NOC4L: variants seen among roughly 807,000 people sequenced by gnomAD.
The protein encoded by NOC4L is nucleolar complex protein 4 homolog.
A neutral mutation model predicts 62.8 loss-of-function variants in NOC4L; 40 were observed. The observed-to-expected ratio is 0.64, with a 90% CI of 0.49 to 0.83. The LOEUF (loss-of-function observed/expected upper bound fraction) is 0.83, where lower values mean the gene tolerates loss of function less well. Among genes scored for constraint, NOC4L ranks in the 40% least tolerant of loss-of-function variants. The pLI is 0.00. For missense variants in NOC4L, 927 were observed against 701.9 expected (o/e 1.32, Z -3.62); for synonymous variants, 433 against 299.8 (o/e 1.44, Z -4.59).
intron 6 of NOC4L, 24 bp downstream of exon 6, chr12:132,148,003 C>G (rs371603919): frequency 6.2e-7 from 1 of 1,612,212 alleles, no homozygotes; most frequent in Non-Finnish European, 8.5e-7. Context: ...GAGTCAGGGG[C>G]GGACAGGGCT....
At chr12:132,147,593 G>A (rs1897771300) in intron 4 of NOC4L, 40 bp from the exon 5 acceptor site, 1 of 1,604,244 alleles carries the variant, frequency 6.2e-7, no homozygotes, top group African/African-American at 1.3e-5. Context: ...GCTGGCGTAT[G>A]CTGGGCCGGG....
rs150462136 is a variant in NOC4L, at chr12:132,148,867, C to T, written c.873C>T (p.Ile291=). Residue 291 remains isoleucine, a synonymous_variant, in exon 9 of 15, where the codon ATC becomes ATT. Transcript: ENST00000330579. ...LPQLAQPTLM[I]DFLTRACDLG... is the part of the protein sequence containing the mutation. ...AGCTGGCGCAGCCCACGCTCATGAT[C>T]GACTTCCTCACCCGCGCCTGCGACC... is the stretch of plus-strand genomic sequence containing the variant. 37 of 1,599,614 alleles carry T rather than the reference C, an allele frequency of 2.3e-5. No individual in the cohort carries two copies. The highest frequency in any genetic ancestry group is 1.8e-4 in the East Asian group (8 of 44,762).
chr12:132,149,045 A>G (rs78164299), intron 9 of NOC4L, 150 bp downstream of exon 9: 2,559 of 148,610 alleles, frequency 0.017, 5 homozygotes, highest in Middle Eastern at 0.023. Context: ...CCGCCGCCTC[A>G]CTCACACCAC....
At position 132,147,375 on chromosome 12, in the gene NOC4L, G is replaced by T; in HGVS notation, c.440G>T (p.Arg147Leu). The T allele has an allele frequency of 6.3e-7, 1 of 1,592,620 alleles. No homozygotes were observed. Reference sequence around the variant, plus strand: ...TGGGAAGGCAACTACCTGTTCCCCCGAGAGCTCTTCAAGGTGAGGGCCTTG... The same window carrying T: ...TGGGAAGGCAACTACCTGTTCCCCCTAGAGCTCTTCAAGGTGAGGGCCTTG... ...SKWEGNYLFP[R>L]ELFKLVVGGL... Residue 147 changes from arginine to leucine, a missense_variant, in exon 4 of 15, where the codon CGA becomes CTA. Transcript: ENST00000330579.
At chr12:132,145,730 AAGC>A (rs1252753189) in intron 3 of NOC4L, 65 bp downstream of exon 3, 1 of 1,165,010 alleles carries the variant, frequency 8.6e-7, no homozygotes, top group Non-Finnish European at 1.3e-6. Context: ...GTTATCCACA[AAGC>A]AGAGGTCTGG....
At chr12:132,146,692 C>T (rs1229320254) in intron 3 of NOC4L, among the ~76,000 whole-genome samples, 1 of 152,182 alleles carries the variant, frequency 6.6e-6, no homozygotes, top group Non-Finnish European at 1.5e-5. Context: ...AACCAGTTTC[C>T]ACCTTCTCAG....
chr12:132,148,165 A>G (rs1897797403), intron 7 of NOC4L, 59 bp downstream of exon 7: 1 of 1,554,248 alleles, frequency 6.4e-7, no homozygotes, highest in African/African-American at 1.4e-5. Context: ...TGTGGGGTGC[A>G]TGTGAGACCC....
chr12:132,147,844 G>A (rs375636244), intron 5 of NOC4L, 36 bp from the exon 6 acceptor site: 29 of 1,609,898 alleles, frequency 1.8e-5, no homozygotes, highest in African/African-American at 2.7e-5. Context: ...CAGGGACTGG[G>A]GGGCGGCGTC....
rs1337469846 is a variant in NOC4L at position 132,146,552 on chromosome 12, A to G, written c.346-729A>G. On this transcript the variant is annotated intron_variant, in intron 3 of 14. Transcript: ENST00000330579. ...GAACTACAAGACTGTTTTCCATAGT[A>G]GCTGCGCTATCTTACCCTCCCCCTG... is the stretch of plus-strand genomic sequence containing the variant. Among the ~76,000 whole-genome samples the G allele has an allele frequency of 2.0e-5, 3 of 152,198 alleles. No homozygotes were observed. The East Asian group carries it at 5.8e-4, about 29-fold the overall frequency.
rs1897642899 is a variant in NOC4L, at chr12:132,144,759, C to A, written c.118-95C>A. The A allele has an allele frequency of 5.4e-5, 80 of 1,486,850 alleles. No homozygotes were observed. In the South Asian group the frequency reaches 9.8e-4, roughly 18 times the overall value. 92.1% of individuals were successfully genotyped at this position (1,486,850 alleles called of 1,614,324 possible). ...CACGGGTCGGGGGTGACGGGGCTGG[C>A]GTCCCGAGGGGGAAGGGAACGGGTT... On this transcript the variant is annotated intron_variant, in intron 1 of 14. Transcript: ENST00000330579.
chr12:132,151,706 A>G (rs375747628), intron 12 of NOC4L, 32 bp from the exon 13 acceptor site: 444 of 1,611,652 alleles, frequency 2.8e-4, no homozygotes, highest in Admixed American at 5.5e-4. Flanking sequence ...GGTGCTGTGG[A>G]CGGCAGACAA....
chr12:132,148,524 G>A, intron 7 of NOC4L, 85 bp from the exon 8 acceptor site: 1 of 1,451,314 alleles, frequency 6.9e-7, no homozygotes, highest in South Asian at 1.2e-5. Context: ...GTTGGCTCAG[G>A]CTGGGCTTCG....
At chr12:132,151,396 C>A (rs369750524) in intron 11 of NOC4L, 28 bp downstream of exon 11, 2 of 1,604,868 alleles carry the variant, frequency 1.2e-6, no homozygotes, top group Non-Finnish European at 1.7e-6. Flanking sequence ...TGGCTCTGCC[C>A]TGCTCTGTGC....
At chr12:132,145,480 C>A in intron 2 of NOC4L, 79 bp from the exon 3 acceptor site, 1 of 920,036 alleles carries the variant, frequency 1.1e-6, no homozygotes, top group Non-Finnish European at 1.7e-6. Context: ...GAGGGTGGAG[C>A]CAGGCCTGAG....
intron 8 of NOC4L, 52 bp downstream of exon 8, chr12:132,148,711 G>C: frequency 6.6e-7 from 1 of 1,511,410 alleles, no homozygotes; most frequent in South Asian, 1.2e-5. Flanking sequence ...TCTCCCCCAG[G>C]GCGGAGGCCT....
In NOC4L at chr12:132,151,809, T is replaced by G; in HGVS notation, c.1306T>G (p.Trp436Gly). The G allele has an allele frequency of 1.2e-6, 2 of 1,611,704 alleles. No individual in the cohort carries two copies. The highest frequency in any genetic ancestry group is 2.7e-5 in the African/African-American group (2 of 74,992). Residue 436 changes from tryptophan (W) to glycine (G), a missense_variant, in exon 13 of 15, where the codon TGG becomes GGG. Trp to Gly is a radical substitution (Grantham distance 184, BLOSUM62 -2). Coordinates refer to ENST00000330579, the MANE Select transcript of NOC4L (RefSeq NM_024078.3). Reference protein sequence around the residue: ...AQSRALESSLWELQALQRHYH... With the variant: ...AQSRALESSLGELQALQRHYH... ...GAGCCGGGCCTTGGAGAGCTCCCTG[T>G]GGGAGCTTCAGGTGAGGGCGCTGCT...
chr12:132,148,603 T>C lies in NOC4L; in HGVS notation c.739-6T>C, dbSNP rs1897815446. ...GGCGGCGAGTGCAGTCTGGACCCCG[T>C]TGCAGGAGCACAGGAGGGTTTTCCA... On this transcript the variant is annotated splice_region_variant and splice_polypyrimidine_tract_variant and intron_variant, in intron 7 of 14. Coordinates refer to ENST00000330579, the MANE Select transcript of NOC4L (RefSeq NM_024078.3). 1 of 1,549,434 alleles carries C rather than the reference T, an allele frequency of 6.5e-7. No homozygotes were observed. Among genetic ancestry groups the C allele is most frequent in the Non-Finnish European group, 8.7e-7 (1 of 1,146,270 alleles).
At position 132,148,139 on chromosome 12, in the gene NOC4L, C is replaced by T. The variant is rs114323962; in HGVS notation, c.738+33C>T. On this transcript the variant is annotated intron_variant, in intron 7 of 14. Transcript: ENST00000330579. ...GCTTCTGGAGAGCCGGGCACCCTCC[C>T]GGGTTTGGGGGTGTGTGTGGGGTGC... 1.7e-4 allele frequency: 272 copies of T among 1,610,926 alleles called. 2 individuals are homozygous for T. The African/African-American group carries it at 2.9e-3, about 17-fold the overall frequency.
rs747362471 is a variant in NOC4L, at chr12:132,148,876, C to G, written c.882C>G (p.Leu294=). The G allele has an allele frequency of 1.3e-6, 2 of 1,597,550 alleles. No individual in the cohort carries two copies. The change falls in exon 9 of 15, where the codon CTC becomes CTG. Residue 294 remains leucine, a synonymous_variant. Transcript: ENST00000330579. ...LAQPTLMIDF[L]TRACDLGGAL... ...AGCCCACGCTCATGATCGACTTCCT[C>G]ACCCGCGCCTGCGACCTCGGTGAGT...
Sources: gnomAD v4.1 joint callset for allele counts (sites outside exome capture counted in the v4.1 genomes callset) on GRCh38, gnomAD v4.1.1 for gene constraint, MANE v1.5 for transcripts, NCBI Gene and HGNC (gene_info 2026-07-23, HGNC 2026-07-21) for gene names.